DISP1: variants seen among roughly 807,000 people sequenced by gnomAD.
DISP1 encodes the protein dispatched RND transporter family member 1, also known as protein dispatched homolog 1.
Under a neutral mutation model 37.3 loss-of-function variants are expected in DISP1, and 30 were observed. The observed-to-expected ratio is 0.80, with a 90% CI of 0.60 to 1.09. The LOEUF (loss-of-function observed/expected upper bound fraction) is 1.09. Ranked by LOEUF, DISP1 falls within the 50% of genes least tolerant of loss-of-function variation. DISP1 has a pLI of 0.00. For missense variants in DISP1, 1,598 were observed against 1,879.5 expected, an observed-to-expected ratio of 0.85 and a Z score of 2.77; for synonymous variants, 634 against 690.2, an observed-to-expected ratio of 0.92 and a Z score of 1.28.
intron 1 of DISP1, among the ~76,000 whole-genome samples, chr1:222,891,112 G>A (rs542100211): frequency 3.0e-4 from 45 of 152,104 alleles, no homozygotes; most frequent in Non-Finnish European, 4.6e-4. Flanking sequence ...AAGAGAGGAG[G>A]GGGGATGACT....
intron 1 of DISP1, among the ~76,000 whole-genome samples, chr1:222,919,340 C>A (rs34885545): frequency 6.6e-6 from 1 of 150,826 alleles, no homozygotes; most frequent in Non-Finnish European, 1.5e-5. Context: ...AGTCACGCCC[C>A]GAGCGCAGTG....
intron 1 of DISP1, among the ~76,000 whole-genome samples, chr1:222,916,595 CTA>C: frequency 6.6e-6 from 1 of 152,314 alleles, no homozygotes; most frequent in South Asian, 2.1e-4. Flanking sequence ...CTTTTGCCTT[CTA>C]TGACTTAATT....
chr1:223,001,230 T>G (rs1679420171), intron 8 of DISP1, among the ~76,000 whole-genome samples: 1 of 152,176 alleles, frequency 6.6e-6, no homozygotes, highest in Non-Finnish European at 1.5e-5. Flanking sequence ...AAATCCAGAA[T>G]TACCATACTT....
intron 1 of DISP1, among the ~76,000 whole-genome samples, chr1:222,917,310 G>A (rs1672550543): frequency 6.6e-6 from 1 of 152,162 alleles, no homozygotes; most frequent in African/African-American, 2.4e-5. Context: ...CCAAACAGGG[G>A]CGAACAGGGA....
intron 1 of DISP1, among the ~76,000 whole-genome samples, chr1:222,903,304 G>T (rs1183759772): frequency 8.4e-6 from 1 of 119,344 alleles, no homozygotes; most frequent in African/African-American, 3.1e-5. Context: ...GTTGTGGGGT[G>T]GGGGGAGGGG....
At chr1:222,829,507 C>T (rs944449014) in intron 1 of DISP1, among the ~76,000 whole-genome samples, 2 of 151,674 alleles carry the variant, frequency 1.3e-5, no homozygotes, top group African/African-American at 2.4e-5. Context: ...TGCAGTGGCA[C>T]GATCTCGGCT....
chr1:222,958,399 A>G (rs1572624664), intron 3 of DISP1, among the ~76,000 whole-genome samples: 2 of 152,320 alleles, frequency 1.3e-5, no homozygotes, highest in South Asian at 4.1e-4. Flanking sequence ...AAGATTGCCC[A>G]TACTCCATAG....
chr1:222,973,464 A>G (rs1302641694), intron 3 of DISP1, among the ~76,000 whole-genome samples: 1 of 152,150 alleles, frequency 6.6e-6, no homozygotes. Context: ...TTGTTTTAAA[A>G]TTCTTTCCAT....
chr1:223,000,239 C>T (rs1210248150), intron 8 of DISP1, among the ~76,000 whole-genome samples: 1 of 152,066 alleles, frequency 6.6e-6, no homozygotes, highest in Non-Finnish European at 1.5e-5. Flanking sequence ...GTTGCATTAC[C>T]TTTCATTCAG....
At chr1:222,914,394 G>C (rs1163483725) in intron 1 of DISP1, among the ~76,000 whole-genome samples, 1 of 152,104 alleles carries the variant, frequency 6.6e-6, no homozygotes, top group African/African-American at 2.4e-5. Context: ...TGGATTATAA[G>C]TTTTCTTTGG....
chr1:222,916,790 T>A (rs1464040052), intron 1 of DISP1, among the ~76,000 whole-genome samples: 2 of 152,196 alleles, frequency 1.3e-5, no homozygotes, highest in Non-Finnish European at 2.9e-5. Flanking sequence ...TCCTGCCCAT[T>A]TGTCATTACC....
chr1:222,984,421 A>AAAAAAT (rs1553254646), intron 4 of DISP1, among the ~76,000 whole-genome samples: 2 of 105,798 alleles, frequency 1.9e-5, no homozygotes, highest in South Asian at 3.0e-4. Context: ...AAAAAAAAAA[A>AAAAAAT]ATATATATAT....
At chr1:222,906,555 G>A (rs1488724661) in intron 1 of DISP1, among the ~76,000 whole-genome samples, 1 of 152,200 alleles carries the variant, frequency 6.6e-6, no homozygotes, top group African/African-American at 2.4e-5. Context: ...AGAAGCCGGC[G>A]AAAACTCGCC....
At chr1:222,863,291 T>C (rs1440066966) in intron 1 of DISP1, among the ~76,000 whole-genome samples, 2 of 151,984 alleles carry the variant, frequency 1.3e-5, no homozygotes, top group Admixed American at 1.3e-4. Flanking sequence ...AAGGCTGAGG[T>C]GGGCAGATTG....
chr1:222,998,338 A>ACC (rs1679215145), intron 8 of DISP1, among the ~76,000 whole-genome samples: 1 of 151,292 alleles, frequency 6.6e-6, no homozygotes, highest in Non-Finnish European at 1.5e-5. Context: ...GAAGACCTTA[A>ACC]TTGTTGGTGG....
intron 1 of DISP1, among the ~76,000 whole-genome samples, chr1:222,915,620 A>T (rs559911998): frequency 6.6e-6 from 1 of 152,336 alleles, no homozygotes; most frequent in African/African-American, 2.4e-5. Flanking sequence ...GCAACAAATA[A>T]CTTACTAGTT....
chr1:222,993,036 A>G lies in DISP1; in HGVS notation c.889+926A>G, dbSNP rs189949886. The stretch of plus-strand genomic sequence containing the variant: ...CACCACCATGCCTGGCTAATTTTGT[A>G]TTTTTAGTAGAGACGGGGTTTCTCC... On this transcript the variant is annotated intron_variant, in intron 7 of 8. Transcript: ENST00000675850. Among the ~76,000 whole-genome samples, 45 of 151,742 alleles carry G rather than the reference A, an allele frequency of 3.0e-4. No homozygotes were observed. In the East Asian group the frequency reaches 7.6e-3, roughly 26 times the overall value.
chr1:222,996,132 C>T (rs1321202882), intron 8 of DISP1, among the ~76,000 whole-genome samples: 1 of 152,222 alleles, frequency 6.6e-6, no homozygotes, highest in African/African-American at 2.4e-5. Context: ...ACCAAAGCCA[C>T]AAACGATCTA....
intron 1 of DISP1, among the ~76,000 whole-genome samples, chr1:222,896,555 C>T (rs1336780458): frequency 6.6e-6 from 1 of 150,418 alleles, no homozygotes; most frequent in African/African-American, 2.5e-5. Flanking sequence ...GAGCTGAGAT[C>T]GCACCATTGC....
Sources: allele counts gnomAD v4.1 joint callset (sites outside exome capture counted in the v4.1 genomes callset), GRCh38; gene constraint gnomAD v4.1.1; transcripts MANE v1.5; gene names NCBI Gene and HGNC (gene_info 2026-07-23, HGNC 2026-07-21).